FMN2: variants seen among roughly 807,000 people sequenced by gnomAD.
FMN2 encodes formin-2.
In FMN2, 51 loss-of-function variants were observed where a neutral mutation model predicts 142.3. That is an observed-to-expected ratio of 0.36 (90% CI 0.29 to 0.45). The LOEUF (loss-of-function observed/expected upper bound fraction) is 0.45, where lower values mean the gene tolerates loss of function less well. Ranked by LOEUF, FMN2 falls within the 20% of genes least tolerant of loss-of-function variation. FMN2 has a pLI of 1.00. For synonymous variants in FMN2, 882 were observed against 869.8 expected, an observed-to-expected ratio of 1.01 and a Z score of -0.25; for missense variants, 1,936 against 2,122.8, an observed-to-expected ratio of 0.91 and a Z score of 1.73.
intron 4 of FMN2, among the ~76,000 whole-genome samples, chr1:240,194,019 C>A (rs1028975566): frequency 6.6e-6 from 1 of 152,118 alleles, no homozygotes; most frequent in Non-Finnish European, 1.5e-5. Flanking sequence ...CTAAAAAATA[C>A]ACTAGTTTTT....
At chr1:240,323,175 C>T (rs1671038350) in intron 8 of FMN2, among the ~76,000 whole-genome samples, 1 of 148,982 alleles carries the variant, frequency 6.7e-6, no homozygotes, top group Non-Finnish European at 1.5e-5. Flanking sequence ...CTCTTTCTCT[C>T]TCTTTTCTTT....
intron 6 of FMN2, among the ~76,000 whole-genome samples, chr1:240,249,070 GT>G (rs905753740): frequency 6.6e-6 from 1 of 151,852 alleles, no homozygotes; most frequent in African/African-American, 2.4e-5. Context: ...TCTGTTGATT[GT>G]TTTTTTGCTG....
intron 8 of FMN2, among the ~76,000 whole-genome samples, chr1:240,302,456 A>G (rs1003286896): frequency 1.3e-5 from 2 of 152,084 alleles, no homozygotes; most frequent in Admixed American, 1.3e-4. Flanking sequence ...GTAAACTGGT[A>G]TGTCCAATAA....
At chr1:240,277,044 T>C (rs1342598994) in intron 7 of FMN2, among the ~76,000 whole-genome samples, 1 of 152,216 alleles carries the variant, frequency 6.6e-6, no homozygotes, top group Non-Finnish European at 1.5e-5. Context: ...TCCTGTTAAA[T>C]GTTTCTTCCA....
chr1:240,398,049 AC>A (rs1673844874), intron 15 of FMN2, among the ~76,000 whole-genome samples: 1 of 148,898 alleles, frequency 6.7e-6, no homozygotes. Flanking sequence ...AGACTGGAGG[AC>A]AGTGGCACCA....
chr1:240,102,262 A>T (rs2103178214), intron 1 of FMN2, among the ~76,000 whole-genome samples: 1 of 152,310 alleles, frequency 6.6e-6, no homozygotes, highest in African/African-American at 2.4e-5. Flanking sequence ...GGCCTTAAAC[A>T]AGTACAGCTT....
At chr1:240,318,082 G>T (rs1265999305) in intron 8 of FMN2, among the ~76,000 whole-genome samples, 3 of 152,140 alleles carry the variant, frequency 2.0e-5, no homozygotes, top group African/African-American at 7.2e-5. Flanking sequence ...TTTCTAGTTA[G>T]ATTGAGTTGC....
At chr1:240,272,784 T>C (rs1669063833) in intron 7 of FMN2, among the ~76,000 whole-genome samples, 1 of 152,174 alleles carries the variant, frequency 6.6e-6, no homozygotes, top group South Asian at 2.1e-4. Flanking sequence ...GCTGAAGCAA[T>C]GACATTTCGT....
chr1:240,374,387 A>C (rs1458641928), intron 14 of FMN2, among the ~76,000 whole-genome samples: 3 of 152,138 alleles, frequency 2.0e-5, no homozygotes, highest in Non-Finnish European at 4.4e-5. Flanking sequence ...TGAAACTCCT[A>C]GATGGCATCT....
At chr1:240,246,226 C>A (rs901672103) in intron 6 of FMN2, among the ~76,000 whole-genome samples, 2 of 152,084 alleles carry the variant, frequency 1.3e-5, no homozygotes, top group Non-Finnish European at 2.9e-5. Flanking sequence ...GGCCAGCCAG[C>A]CTTTTGAAGG....
intron 14 of FMN2, among the ~76,000 whole-genome samples, chr1:240,367,544 G>A (rs1395668101): frequency 1.3e-5 from 2 of 152,010 alleles, no homozygotes; most frequent in African/African-American, 2.4e-5. Flanking sequence ...CAAGGTGGGT[G>A]GATCACGAGG....
In FMN2 at chr1:240,437,371, G is replaced by A. The variant is rs1051192396; in HGVS notation, c.4911-690G>A. Among the ~76,000 whole-genome samples the A allele has an allele frequency of 2.8e-5, 4 of 143,970 alleles. No individual in the cohort carries two copies. The Admixed American group carries it at 3.0e-4, about 11-fold the overall frequency. The allele number at this position is 143,970 out of a possible 152,430, so 94.4% of individuals were successfully genotyped here. ...TGCAGTGGTGCAATCTCGGCTCACT[G>A]CAAGCTGTGCCTCCTGGGTTCATGC... On this transcript the variant is annotated intron_variant, in intron 15 of 17. Transcript: ENST00000319653.
intron 1 of FMN2, among the ~76,000 whole-genome samples, chr1:240,114,476 T>C (rs1661941090): frequency 6.6e-6 from 1 of 152,138 alleles, no homozygotes; most frequent in South Asian, 2.1e-4. Context: ...TGTCTGGCTT[T>C]CTCAGTTGTC....
chr1:240,238,938 C>A (rs184637725), intron 6 of FMN2, among the ~76,000 whole-genome samples: 70 of 151,648 alleles, frequency 4.6e-4, no homozygotes, highest in Admixed American at 1.2e-3. Flanking sequence ...TTATCTGTGA[C>A]GATAGAAGTT....
At chr1:240,353,746 G>A (rs559892947) in intron 13 of FMN2, among the ~76,000 whole-genome samples, 1 of 152,256 alleles carries the variant, frequency 6.6e-6, no homozygotes, top group South Asian at 2.1e-4. Flanking sequence ...GAATGGGACA[G>A]TACAGGTAAC....
At chr1:240,096,299 C>A (rs1056388450) in intron 1 of FMN2, among the ~76,000 whole-genome samples, 8 of 152,124 alleles carry the variant, frequency 5.3e-5, no homozygotes, top group African/African-American at 1.9e-4. Context: ...TTTTCCAGTT[C>A]CTGTTTTTAA....
intron 16 of FMN2, among the ~76,000 whole-genome samples, chr1:240,449,120 T>C (rs9728719): frequency 0.71 from 106,979 of 150,504 alleles, 38,174 homozygotes; most frequent in East Asian, 0.89. Flanking sequence ...CTAGCCTAGG[T>C]GAAGAAAGTG....
At chr1:240,412,499 T>C (rs1336775325) in intron 15 of FMN2, among the ~76,000 whole-genome samples, 1 of 152,162 alleles carries the variant, frequency 6.6e-6, no homozygotes, top group Non-Finnish European at 1.5e-5. Flanking sequence ...CCAGATATAC[T>C]GAAGGCCATA....
chr1:240,323,325 G>C (rs528250438), intron 8 of FMN2, among the ~76,000 whole-genome samples: 15 of 152,026 alleles, frequency 9.9e-5, no homozygotes, highest in Non-Finnish European at 2.1e-4. Flanking sequence ...CTCCCGAGTA[G>C]CTGGGAATAC....
Sources: gnomAD v4.1 joint callset for allele counts (sites outside exome capture counted in the v4.1 genomes callset) on GRCh38, gnomAD v4.1.1 for gene constraint, MANE v1.5 for transcripts, NCBI Gene and HGNC (gene_info 2026-07-23, HGNC 2026-07-21) for gene names.